The following PNPT1 variants were observed in gnomAD, a reference collection of about 807,000 sequenced individuals.
The protein encoded by PNPT1 is polyribonucleotide nucleotidyltransferase 1, also known as polyribonucleotide nucleotidyltransferase 1, mitochondrial.
A neutral mutation model predicts 119.5 loss-of-function variants in PNPT1; 53 were observed. The observed-to-expected ratio is 0.44, with a 90% confidence interval of 0.36 to 0.56. PNPT1 has a LOEUF of 0.56. PNPT1 is among the 20% of genes least tolerant of loss of function. The probability of loss-of-function intolerance (pLI) is 0.00; values close to 1 mark genes in which losing one functional copy is unlikely to be tolerated. For missense variants in PNPT1, 948 were observed against 938.5 expected, an observed-to-expected ratio of 1.01 and a Z score of -0.13; for synonymous variants, 357 against 322.1, an observed-to-expected ratio of 1.11 and a Z score of -1.16.
At chr2:55,689,196 AC>A (rs1697515447) in intron 1 of PNPT1, among the ~76,000 whole-genome samples, 1 of 152,244 alleles carries the variant, frequency 6.6e-6, no homozygotes, top group East Asian at 1.9e-4. Flanking sequence ...CTGATAAGGG[AC>A]TTGTGTTAAT....
Position 55,643,359 on chromosome 2 carries a change from T to G in PNPT1, c.1973A>C (p.His658Pro), listed in dbSNP as rs545932442. 1 of 1,614,128 alleles carries G rather than the reference T, an allele frequency of 6.2e-7. No individual in the cohort carries two copies. Among genetic ancestry groups the G allele is most frequent in the East Asian group, 2.2e-5 (1 of 44,902 alleles). ...TTCAGTAATGAAGTCTCTTGCCTCA[T>G]GCATAGCACTGGGTGTTGGTGCAAA... ...SVFAPTPSAM[H>P]EARDFITEIC... is the part of the protein sequence containing the mutation. Residue 658 changes from histidine to proline, a missense_variant, in exon 24 of 28, where the codon CAT becomes CCT. Physicochemically the swap from His to Pro is moderately conservative, Grantham distance 77. Coordinates refer to ENST00000447944, the MANE Select transcript of PNPT1 (RefSeq NM_033109.5).
chr2:55,678,429 C>T (rs1189805787), intron 8 of PNPT1, among the ~76,000 whole-genome samples: 1 of 152,234 alleles, frequency 6.6e-6, no homozygotes, highest in African/African-American at 2.4e-5. Flanking sequence ...CACAGTTCTG[C>T]TCAATGAGGT....
intron 4 of PNPT1, among the ~76,000 whole-genome samples, chr2:55,684,388 C>A (rs115979444): frequency 1.1e-4 from 17 of 151,942 alleles, no homozygotes; most frequent in Admixed American, 2.6e-4. Flanking sequence ...CACTTGAACC[C>A]GGGAGGTAGA....
At chr2:55,691,878 A>ATATATATATATATTTTTTTT (rs1326804958) in intron 1 of PNPT1, among the ~76,000 whole-genome samples, 1 of 33,108 alleles carries the variant, frequency 3.0e-5, no homozygotes, top group Non-Finnish European at 5.9e-5. Flanking sequence ...ATATATATAT[A>ATATATATATATATTTTTTTT]TTTTTTTTTT....
At chr2:55,691,665 A>C (rs1697603992) in intron 1 of PNPT1, among the ~76,000 whole-genome samples, 1 of 151,920 alleles carries the variant, frequency 6.6e-6, no homozygotes, top group African/African-American at 2.4e-5. Context: ...TGTTGAATGA[A>C]ATGTTCTGGG....
intron 18 of PNPT1, among the ~76,000 whole-genome samples, chr2:55,647,983 TC>T (rs1277989436): frequency 1.4e-4 from 22 of 152,188 alleles, no homozygotes; most frequent in African/African-American, 5.3e-4. Flanking sequence ...AGCAAAAACT[TC>T]TCTAACAATA....
At chr2:55,647,262 A>G in intron 19 of PNPT1, 85 bp downstream of exon 19, 2 of 1,102,964 alleles carry the variant, frequency 1.8e-6, no homozygotes, top group African/African-American at 3.2e-5. Flanking sequence ...TATAGTCTTC[A>G]CCATTATTTG....
chr2:55,657,837 G>A (rs1198230177), intron 15 of PNPT1, among the ~76,000 whole-genome samples: 1 of 92,128 alleles, frequency 1.1e-5, no homozygotes, highest in Non-Finnish European at 2.1e-5. Context: ...ATGGCTATGG[G>A]GCTTCAATAG....
At chr2:55,674,033 T>C (rs1276865281) in intron 8 of PNPT1, among the ~76,000 whole-genome samples, 2 of 152,206 alleles carry the variant, frequency 1.3e-5, no homozygotes, top group Non-Finnish European at 2.9e-5. Flanking sequence ...ATACATATTT[T>C]AAATAAAATG....
intron 22 of PNPT1, 73 bp downstream of exon 22, chr2:55,645,276 G>C: frequency 2.0e-6 from 2 of 979,534 alleles, no homozygotes; most frequent in Non-Finnish European, 3.1e-6. Flanking sequence ...CGCTCGCCTC[G>C]GCCTCCCAAA....
Position 55,666,859 on chromosome 2 carries a change from C to T in PNPT1, c.1176+132G>A, listed in dbSNP as rs528019974. On this transcript the variant is annotated intron_variant, in intron 13 of 27. Coordinates refer to ENST00000447944, the MANE Select transcript of PNPT1 (RefSeq NM_033109.5). ...CTGTCTCAAACAAAACAAACAAGAA[C>T]CGCCAGATATTAATTTAAATAAATA... 7.0e-6 allele frequency: 4 copies of T among 571,990 alleles called. No individual in the cohort carries two copies. The African/African-American group carries it at 7.9e-5, about 11-fold the overall frequency. The allele number at this position is 571,990 out of a possible 1,614,324, so 35.4% of individuals were successfully genotyped here. A position where few individuals can be genotyped will look rare whatever the true frequency, so the allele number is the denominator to read the frequency against.
intron 18 of PNPT1, among the ~76,000 whole-genome samples, chr2:55,654,083 C>T (rs908654661): frequency 2.0e-5 from 3 of 151,964 alleles, no homozygotes; most frequent in Non-Finnish European, 4.4e-5. Context: ...ATGGTGAAAC[C>T]CCGTCTCGAC....
chr2:55,661,608 T>C (rs543781916), intron 14 of PNPT1, among the ~76,000 whole-genome samples: 2 of 152,284 alleles, frequency 1.3e-5, no homozygotes, highest in Admixed American at 6.5e-5. Context: ...TTTTCAGCAA[T>C]GGGAGCTTTC....
intron 5 of PNPT1, among the ~76,000 whole-genome samples, chr2:55,681,406 CTAAA>C (rs1008285484): frequency 1.3e-5 from 2 of 151,696 alleles, no homozygotes; most frequent in Non-Finnish European, 2.9e-5. Flanking sequence ...GAATCTGTCT[CTAAA>C]TAAATAAATA....
chr2:55,646,241 T>G lies in PNPT1; in HGVS notation c.1738+18A>C, dbSNP rs766216855. ...AAAGTGGAAAAGAATGAAGGGAGAA[T>G]CAAGCACACTAGCTCACCTGAAGCT... On this transcript the variant is annotated intron_variant, in intron 21 of 27. Transcript: ENST00000447944. The G allele has an allele frequency of 1.6e-5, 25 of 1,599,612 alleles. No individual in the cohort carries two copies. The highest frequency in any genetic ancestry group is 5.1e-5 in the Admixed American group (3 of 58,996).
Position 55,656,182 on chromosome 2 carries a change from G to A in PNPT1, c.1390C>T (p.Arg464Ter), listed in dbSNP as rs2627765. 3 of 1,612,974 alleles carry A rather than the reference G, an allele frequency of 1.9e-6. No individual in the cohort carries two copies. Among genetic ancestry groups the A allele is most frequent in the Non-Finnish European group, 2.5e-6 (3 of 1,179,562 alleles). Residue 464 changes from arginine to a stop codon, truncating the protein, a stop_gained, in exon 17 of 28, where the codon CGA becomes TGA. Coordinates refer to ENST00000447944, the MANE Select transcript of PNPT1 (RefSeq NM_033109.5). LOFTEE classifies it high-confidence loss of function. ...AEKALYPVIPRDFPFTIRVTS... is the reference protein window; with the variant it reads ...AEKALYPVIP ...ACTCTTATGGTGAAAGGAAAATCTC[G>A]GGGAATAACAGGATACAAAGCTTTC...
rs775821844 is a variant in PNPT1, at chr2:55,680,738, G to A, written c.539C>T (p.Ser180Leu). 6.2e-7 allele frequency: 1 copy of A among 1,613,656 alleles called. No individual in the cohort carries two copies. Among genetic ancestry groups the A allele is most frequent in the Admixed American group, 1.7e-5 (1 of 59,988 alleles). The change falls in exon 7 of 28, where the codon TCA becomes TTA. Residue 180 changes from serine to leucine, a missense_variant. By Grantham distance (145) the Ser-to-Leu change is moderately radical. Coordinates refer to ENST00000447944, the MANE Select transcript of PNPT1 (RefSeq NM_033109.5). ...AACAGGTCCATTCCAAGGAATATCT[G>A]ATAATGAGAGGGCTACGGAAGCTTA... ...INGASVALSLSDIPWNGPVGA... is the reference protein window; with the variant it reads ...INGASVALSLLDIPWNGPVGA...
At chr2:55,645,708 A>T (rs1239036003) in intron 21 of PNPT1, among the ~76,000 whole-genome samples, 2 of 152,080 alleles carry the variant, frequency 1.3e-5, no homozygotes, top group African/African-American at 2.4e-5. Context: ...TTCTTTTTTT[A>T]AAATAGATAT....
intron 8 of PNPT1, among the ~76,000 whole-genome samples, chr2:55,677,700 C>T (rs1432153370): frequency 4.0e-5 from 6 of 149,704 alleles, no homozygotes; most frequent in Non-Finnish European, 8.9e-5. Context: ...GGCTATATGA[C>T]CAATTAGCAG....
Sources: allele counts gnomAD v4.1 joint callset (sites outside exome capture counted in the v4.1 genomes callset), GRCh38; gene constraint gnomAD v4.1.1; transcripts MANE v1.5; gene names NCBI Gene and HGNC (gene_info 2026-07-23, HGNC 2026-07-21).